PHKA2: variants seen among roughly 807,000 people sequenced by gnomAD.
PHKA2 encodes the protein phosphorylase kinase regulatory subunit alpha 2.
Under a neutral mutation model 102.0 loss-of-function variants are expected in PHKA2, and 31 were observed. The observed-to-expected ratio is 0.30, with a 90% CI of 0.23 to 0.41. The LOEUF (loss-of-function observed/expected upper bound fraction) is 0.41. Among genes scored for constraint, PHKA2 ranks in the 10% least tolerant of loss-of-function variants. The pLI is 1.00. For synonymous variants in PHKA2, 455 were observed against 416.2 expected (o/e 1.09, Z -1.13); for missense variants, 858 against 1,023.1 (o/e 0.84, Z 2.20).
At chrX:18,912,610 T>TAA (rs750621560) in intron 19 of PHKA2, among the ~76,000 whole-genome samples, 1 of 87,907 alleles carries the variant, frequency 1.1e-5, no homozygotes, top group Non-Finnish European at 2.3e-5. Context: ...CTACTAAAAT[T>TAA]AAAAAAAAAA....
chrX:18,928,684 T>C (rs1053585976), intron 13 of PHKA2, among the ~76,000 whole-genome samples: 2 of 112,308 alleles, frequency 1.8e-5, no homozygotes, highest in African/African-American at 6.5e-5. Flanking sequence ...CAGTACATCT[T>C]AGGAAGCCCC....
At chrX:18,958,791 CCT>C (rs2048822784) in intron 1 of PHKA2, among the ~76,000 whole-genome samples, 1 of 110,593 alleles carries the variant, frequency 9.0e-6, no homozygotes, top group African/African-American at 3.3e-5. Flanking sequence ...CTCACTGAAA[CCT>C]CTGTCTCGGG....
chrX:18,941,515 T>C lies in PHKA2; in HGVS notation c.864+14A>G. The C allele has an allele frequency of 8.3e-7, 1 of 1,205,072 alleles. No individual in the cohort carries two copies. Among genetic ancestry groups the C allele is most frequent in the Non-Finnish European group, 1.1e-6 (1 of 889,136 alleles). On this transcript the variant is annotated intron_variant, in intron 8 of 32. Coordinates refer to ENST00000379942, the MANE Select transcript of PHKA2 (RefSeq NM_000292.3). ...CACACAGGACAGAAGGGCACCAGCA[T>C]GACTAATGCTTACCTGGAGCTTAGA... is the stretch of plus-strand genomic sequence containing the variant.
chrX:18,930,126 C>A (rs1289476678), intron 12 of PHKA2, among the ~76,000 whole-genome samples: 1 of 112,438 alleles, frequency 8.9e-6, no homozygotes, highest in Non-Finnish European at 1.9e-5. Flanking sequence ...TTGGGGTATT[C>A]ATTCTGAAGG....
intron 13 of PHKA2, among the ~76,000 whole-genome samples, chrX:18,928,717 TGACCCTGAGGCACAGAA>T (rs370597592): frequency 1.1e-4 from 12 of 112,657 alleles, no homozygotes; most frequent in African/African-American, 3.9e-4. Flanking sequence ...CAAGTCCTGA[TGACCCTGAGGCACAGAA>T]GGGTGAAATC....
At chrX:18,899,041 G>T in intron 29 of PHKA2, 132 bp downstream of exon 29, 1 of 570,231 alleles carries the variant, frequency 1.8e-6, no homozygotes, top group East Asian at 3.5e-5. Flanking sequence ...TCCAGTTGGA[G>T]GAGCCTGTGA....
At chrX:18,932,452 G>A (rs190187967) in intron 11 of PHKA2, among the ~76,000 whole-genome samples, 4 of 111,002 alleles carry the variant, frequency 3.6e-5, no homozygotes, top group African/African-American at 1.3e-4. Flanking sequence ...TCCAGAAAAC[G>A]TAAGTCAACC....
chrX:18,936,593 A>G (rs1471186611), intron 10 of PHKA2, among the ~76,000 whole-genome samples: 1 of 112,394 alleles, frequency 8.9e-6, no homozygotes, highest in Admixed American at 9.4e-5. Flanking sequence ...GGGGGAAGCT[A>G]TATCTTAAGC....
In PHKA2 at chrX:18,907,194, C is replaced by G; in HGVS notation, c.2518-97G>C. 4.8e-6 allele frequency: 3 copies of G among 624,073 alleles called. No homozygotes were observed. The South Asian group carries it at 7.1e-5, about 15-fold the overall frequency. 51.4% of individuals were successfully genotyped at this position (624,073 alleles called of 1,213,427 possible). ...GGGGAGGAGACACTGCCAATCAGATCGTACATTTACCTTTACAAACTTAGT... is the reference window on the plus strand; with the variant it reads ...GGGGAGGAGACACTGCCAATCAGATGGTACATTTACCTTTACAAACTTAGT... On this transcript the variant is annotated intron_variant, in intron 22 of 32. Transcript: ENST00000379942.
intron 31 of PHKA2, chrX:18,894,829 G>A (rs1232028179): frequency 2.5e-6 from 1 of 407,966 alleles, no homozygotes; most frequent in East Asian, 4.1e-5. Flanking sequence ...GGCTGCCCAT[G>A]GGGCAGGCCA....
At chrX:18,982,788 C>G (rs1157296026) in intron 1 of PHKA2, among the ~76,000 whole-genome samples, 1 of 111,797 alleles carries the variant, frequency 8.9e-6, no homozygotes, top group Non-Finnish European at 1.9e-5. Context: ...GAGCCGAGAT[C>G]GCGCCACTGC....
At chrX:18,979,360 GTC>G (rs2049138781) in intron 1 of PHKA2, among the ~76,000 whole-genome samples, 1 of 111,339 alleles carries the variant, frequency 9.0e-6, no homozygotes, top group Non-Finnish European at 1.9e-5. Flanking sequence ...TACTGTCCCA[GTC>G]TCTTAGTTAT....
At chrX:18,963,586 A>C (rs2048898844) in intron 1 of PHKA2, among the ~76,000 whole-genome samples, 1 of 112,106 alleles carries the variant, frequency 8.9e-6, no homozygotes, top group Admixed American at 9.4e-5. Flanking sequence ...CTTGTGCTTA[A>C]GGCTGTTTGA....
chrX:18,903,986 G>A (rs1261817413), intron 26 of PHKA2, among the ~76,000 whole-genome samples: 2 of 112,021 alleles, frequency 1.8e-5, no homozygotes, highest in African/African-American at 3.2e-5. Context: ...GCATCTGCCT[G>A]TGCTGGAAGG....
chrX:18,895,102 A>AC (rs1396986301), intron 31 of PHKA2, 36 bp downstream of exon 31: 1 of 1,186,823 alleles, frequency 8.4e-7, no homozygotes, highest in Admixed American at 2.2e-5. Flanking sequence ...TTGTGAACCC[A>AC]CAGAGGGGCC....
intron 10 of PHKA2, among the ~76,000 whole-genome samples, chrX:18,938,230 T>C (rs966339647): frequency 1.8e-5 from 2 of 112,969 alleles, no homozygotes; most frequent in Non-Finnish European, 3.7e-5. Flanking sequence ...GAGACTACAA[T>C]ATTGTGAGAA....
At chrX:18,974,654 C>T (rs2049061179) in intron 1 of PHKA2, among the ~76,000 whole-genome samples, 2 of 111,747 alleles carry the variant, frequency 1.8e-5, no homozygotes, top group South Asian at 7.5e-4. Context: ...CTCCTCTTGG[C>T]TTGCAGATGG....
intron 1 of PHKA2, among the ~76,000 whole-genome samples, chrX:18,961,987 G>A (rs780440980): frequency 9.0e-6 from 1 of 111,317 alleles, no homozygotes; most frequent in African/African-American, 3.3e-5. Flanking sequence ...GTGCAGTGGT[G>A]GAAGCTGACC....
At chrX:18,951,030 G>A (rs1369636574) in intron 4 of PHKA2, 74 bp downstream of exon 4, 10 of 1,037,254 alleles carry the variant, frequency 9.6e-6, no homozygotes, top group South Asian at 1.9e-5. Context: ...CACACTGGCC[G>A]CTACCTGTCC....
Sources: allele counts gnomAD v4.1 joint callset (sites outside exome capture counted in the v4.1 genomes callset), GRCh38; gene constraint gnomAD v4.1.1; transcripts MANE v1.5; gene names NCBI Gene and HGNC (gene_info 2026-07-23, HGNC 2026-07-21).